Variants in TSC22D4 observed in about 807,000 individuals in gnomAD.
TSC22D4 encodes TSC22 domain family protein 4.
In TSC22D4, 5 loss-of-function variants were observed where a neutral mutation model predicts 24.9. The observed-to-expected ratio is 0.20, with a 90% CI of 0.10 to 0.42. The LOEUF (loss-of-function observed/expected upper bound fraction) is 0.42. Ranked by LOEUF, TSC22D4 falls within the 10% of genes least tolerant of loss-of-function variation. The pLI is 1.00. For missense variants in TSC22D4, 469 were observed against 547.9 expected, an observed-to-expected ratio of 0.86 and a Z score of 1.44; for synonymous variants, 245 against 243.2, an observed-to-expected ratio of 1.01 and a Z score of -0.07.
rs749924633 is a variant in TSC22D4 at position 100,474,410 on chromosome 7, G to C, written c.793C>G (p.Pro265Ala). 1 of 1,614,080 alleles carries C rather than the reference G, an allele frequency of 6.2e-7. No homozygotes were observed. The highest frequency in any genetic ancestry group is 8.5e-7 in the Non-Finnish European group (1 of 1,180,000). Residue 265 changes from proline (P) to alanine (A), a missense_variant, in exon 3 of 5, where the codon CCA becomes GCA. Transcript: ENST00000300181. The surrounding 1 kb of genome is among the most constrained non-coding windows in gnomAD (Gnocchi z 4.3). ...VPPLDSRPSS[P>A]ALYFTHDASL... ...GCATCGTGGGTGAAGTAGAGGGCTG[G>C]GGAGCTGGGGCGAGAGTCAAGTGGG... is the stretch of plus-strand genomic sequence containing the variant.
At chr7:100,475,812 A>G (rs899915364) in intron 2 of TSC22D4, among the ~76,000 whole-genome samples, 3 of 151,302 alleles carry the variant, frequency 2.0e-5, no homozygotes, top group African/African-American at 7.4e-5. Flanking sequence ...AGGCCCCGGG[A>G]GGCCCCAGCT....
Position 100,474,214 on chromosome 7 carries a change from C to T in TSC22D4, c.929+60G>A. 1 of 1,595,720 alleles carries T rather than the reference C, an allele frequency of 6.3e-7. No homozygotes were observed. Among genetic ancestry groups the T allele is most frequent in the Non-Finnish European group, 8.6e-7 (1 of 1,167,744 alleles). ...CTACCAGGCACTTTCTTACAGCTAC[C>T]CCGGGTGCTGGGCGGGGAACCTGAA... On this transcript the variant is annotated intron_variant, in intron 3 of 4. Transcript: ENST00000300181. The surrounding 1 kb of genome is among the most constrained non-coding windows in gnomAD (Gnocchi z 4.3).
chr7:100,474,942 C>T lies in TSC22D4; in HGVS notation c.763-502G>A, dbSNP rs1454708404. ...TCAGCCACCCGAGTAGCTGGGACTA[C>T]AGGCATGCACCATCATAACTGGCTA... On this transcript the variant is annotated intron_variant, in intron 2 of 4. Coordinates refer to ENST00000300181, the MANE Select transcript of TSC22D4 (RefSeq NM_030935.5). This position sits in a 1 kb window ranked among gnomAD's most constrained non-coding sequence, Gnocchi z 4.3. 1.3e-5 allele frequency among the ~76,000 whole-genome samples: 2 copies of T among 152,134 alleles called. No individual in the cohort carries two copies. Among genetic ancestry groups the T allele is most frequent in the Non-Finnish European group, 1.5e-5 (1 of 68,018 alleles).
chr7:100,472,524 G>A (rs1799411546), intron 3 of TSC22D4, among the ~76,000 whole-genome samples: 1 of 151,854 alleles, frequency 6.6e-6, no homozygotes, highest in Non-Finnish European at 1.5e-5. Flanking sequence ...CTCAACAGGG[G>A]TGGGGGAGGG....
intron 3 of TSC22D4, chr7:100,467,988 T>A (rs1799319091): frequency 4.1e-6 from 2 of 482,718 alleles, no homozygotes; most frequent in East Asian, 1.3e-4. Flanking sequence ...TGGAGAGGGA[T>A]GCAGTGAAGG....
Position 100,477,546 on chromosome 7 carries a change from A to G in TSC22D4, c.493T>C (p.Ser165Pro), listed in dbSNP as rs1456538594. Residue 165 changes from serine (S) to proline (P), a missense_variant, in exon 2 of 5, where the codon TCC becomes CCC. By Grantham distance (74) the Ser-to-Pro change is moderately conservative (BLOSUM62 -1). Transcript: ENST00000300181. This position sits in a 1 kb window ranked among gnomAD's most constrained non-coding sequence, Gnocchi z 7.8. The stretch of plus-strand genomic sequence containing the variant: ...AGCTGGCCCAGTCCCCCAGTGAAGG[A>G]GCGGGCCTGAGGTCCAGGAGAGGTG... ...PPTSPGPQAR[S>P]FTGGLGQLVV... 5 of 1,563,184 alleles carry G rather than the reference A, an allele frequency of 3.2e-6. No individual in the cohort carries two copies. Among genetic ancestry groups the G allele is most frequent in the Non-Finnish European group, 4.3e-6 (5 of 1,155,016 alleles).
At chr7:100,475,808 C>T (rs1436994060) in intron 2 of TSC22D4, among the ~76,000 whole-genome samples, 1 of 151,374 alleles carries the variant, frequency 6.6e-6, no homozygotes, top group Non-Finnish European at 1.5e-5. Context: ...TGTGAGGCCC[C>T]GGGAGGCCCC....
chr7:100,477,204 G>GGC lies in TSC22D4; in HGVS notation c.762+72_762+73insGC. On this transcript the variant is annotated intron_variant, in intron 2 of 4. Coordinates refer to ENST00000300181, the MANE Select transcript of TSC22D4 (RefSeq NM_030935.5). The surrounding 1 kb of genome is among the most constrained non-coding windows in gnomAD (Gnocchi z 7.8). ...TGGAGAAGGAGGAGGAGAGGGGGGG[G>GGC]AGGAGGAGGAAGGAGGCTCAAGATA... 1.7e-6 allele frequency: 2 copies of GGC among 1,176,854 alleles called. No individual in the cohort carries two copies. Among genetic ancestry groups the GGC allele is most frequent in the Non-Finnish European group, 2.3e-6 (2 of 882,320 alleles). The allele number at this position is 1,176,854 out of a possible 1,614,324, so 72.9% of individuals were successfully genotyped here. A position where few individuals can be genotyped will look rare whatever the true frequency, so the allele number is the denominator to read the frequency against.
intron 3 of TSC22D4, among the ~76,000 whole-genome samples, chr7:100,471,939 TC>T (rs1799400842): frequency 6.6e-6 from 1 of 151,800 alleles, no homozygotes; most frequent in African/African-American, 2.4e-5. Context: ...AATGCCTGGA[TC>T]CCCCAGGCCG....
At position 100,466,976 on chromosome 7, in the gene TSC22D4, T is replaced by C. The variant is rs1371859613; in HGVS notation, c.1171A>G (p.Asn391Asp). Residue 391 changes from asparagine (N) to aspartate (D), a missense_variant, in exon 5 of 5, where the codon AAT becomes GAT. By Grantham distance (23) the Asn-to-Asp change is conservative (BLOSUM62 1). Transcript: ENST00000300181. Reference sequence around the variant, plus strand: ...AGGGAGGCTCAGACGGAGGGCCCATTGGGCGCAGGGGGCCCAAGCCGTGGG... The same window carrying C: ...AGGGAGGCTCAGACGGAGGGCCCATCGGGCGCAGGGGGCCCAAGCCGTGGG... Reference protein sequence around the residue: ...GVPRLGPPAPNGPSV With the variant: ...GVPRLGPPAPDGPSV 1 of 1,577,878 alleles carries C rather than the reference T, an allele frequency of 6.3e-7. No homozygotes were observed. The highest frequency in any genetic ancestry group is 1.9e-5 in the Admixed American group (1 of 53,646).
At chr7:100,476,982 CAGA>C (rs1799508239) in intron 2 of TSC22D4, among the ~76,000 whole-genome samples, 1 of 152,120 alleles carries the variant, frequency 6.6e-6, no homozygotes, top group East Asian at 1.9e-4. Context: ...GAGACCAAGA[CAGA>C]AGAAGGCCTG....
chr7:100,469,227 T>TA (rs57659736), intron 3 of TSC22D4, among the ~76,000 whole-genome samples: 23,750 of 130,284 alleles, frequency 0.18, 2,209 homozygotes, highest in Middle Eastern at 0.21. Context: ...AACTCTGTCT[T>TA]AAAAAAAAAA....
intron 3 of TSC22D4, among the ~76,000 whole-genome samples, chr7:100,469,948 G>A (rs139861643): frequency 2.6e-5 from 4 of 152,160 alleles, no homozygotes; most frequent in African/African-American, 9.6e-5. Flanking sequence ...AGGCCTGAGC[G>A]AGCAGGATGG....
In TSC22D4 at chr7:100,478,278, G is replaced by A. The variant is rs1470295835; in HGVS notation, c.-240C>T. The A allele has an allele frequency of 3.9e-6, 2 of 510,992 alleles. No individual in the cohort carries two copies. Among genetic ancestry groups the A allele is most frequent in the Admixed American group, 7.2e-5 (2 of 27,620 alleles). The allele number at this position is 510,992 out of a possible 1,614,324, so 31.7% of individuals were successfully genotyped here. A position where few individuals can be genotyped will look rare whatever the true frequency, so the allele number is the denominator to read the frequency against. ...GGGGCAGGTTTTTCCTGCTGCTGTT[G>A]CTGCTGAACTCCAGAGCTGAGTTTG... On this transcript the variant is annotated 5_prime_UTR_variant, in exon 2 of 5. Transcript: ENST00000300181.
intron 3 of TSC22D4, among the ~76,000 whole-genome samples, chr7:100,469,404 G>A (rs530813638): frequency 2.7e-4 from 41 of 152,142 alleles, no homozygotes; most frequent in Non-Finnish European, 5.0e-4. Flanking sequence ...GCTGCAGTCT[G>A]GGAAGTGGCC....
chr7:100,468,498 G>C (rs1266518427), intron 3 of TSC22D4, among the ~76,000 whole-genome samples: 1 of 152,122 alleles, frequency 6.6e-6, no homozygotes, highest in East Asian at 1.9e-4. Flanking sequence ...GATCATGAGC[G>C]CTCTCCCACC....
At chr7:100,470,742 G>A (rs1286669272) in intron 3 of TSC22D4, among the ~76,000 whole-genome samples, 1 of 152,174 alleles carries the variant, frequency 6.6e-6, no homozygotes, top group African/African-American at 2.4e-5. Flanking sequence ...AGGAAAGTAG[G>A]GGCTGCTGAG....
chr7:100,471,591 T>G (rs1251748666), intron 3 of TSC22D4, among the ~76,000 whole-genome samples: 1 of 151,946 alleles, frequency 6.6e-6, no homozygotes, highest in Non-Finnish European at 1.5e-5. Flanking sequence ...AATACAAAAA[T>G]TAGCCGGGCA....
In TSC22D4 at chr7:100,477,056, GGA is replaced by G. The variant is rs1273802669; in HGVS notation, c.762+219_762+220del. ...ACCAAGACAGAGAATCAGAGGCCAG[GGA>G]GAAAGAGAGAGGGTGCAGAAAAACA... On this transcript the variant is annotated intron_variant, in intron 2 of 4. Transcript: ENST00000300181. This position sits in a 1 kb window ranked among gnomAD's most constrained non-coding sequence, Gnocchi z 7.8. Among the ~76,000 whole-genome samples, 1 of 152,132 alleles carries G rather than the reference GGA, an allele frequency of 6.6e-6. No homozygotes were observed. Among genetic ancestry groups the G allele is most frequent in the Non-Finnish European group, 1.5e-5 (1 of 68,028 alleles).
Sources: allele counts gnomAD v4.1 joint callset (sites outside exome capture counted in the v4.1 genomes callset), GRCh38; gene constraint gnomAD v4.1.1; non-coding constraint Gnocchi (gnomAD v3.1); transcripts MANE v1.5; gene names NCBI Gene and HGNC (gene_info 2026-07-23, HGNC 2026-07-21).